CNTNAP2: variants seen among roughly 807,000 people sequenced by gnomAD.
The protein encoded by CNTNAP2 is contactin-associated protein-like 2.
CNTNAP2 carries 98 observed loss-of-function variants against 155.2 expected under a neutral mutation model. That is an observed-to-expected ratio of 0.63 (90% CI 0.54 to 0.75). The LOEUF (loss-of-function observed/expected upper bound fraction) is 0.75. CNTNAP2 is among the 30% of genes least tolerant of loss of function. CNTNAP2 has a pLI of 0.00. For synonymous variants in CNTNAP2, 651 were observed against 631.2 expected (o/e 1.03, Z -0.47); for missense variants, 1,727 against 1,688.1 (o/e 1.02, Z -0.40).
At chr7:146,329,238 G>A (rs1449116048) in intron 1 of CNTNAP2, among the ~76,000 whole-genome samples, 1 of 152,116 alleles carries the variant, frequency 6.6e-6, no homozygotes, top group Non-Finnish European at 1.5e-5. Context: ...TTTCCCTGAT[G>A]ATTAATAACA....
chr7:146,872,337 A>G (rs1470653168), intron 3 of CNTNAP2, among the ~76,000 whole-genome samples: 2 of 152,160 alleles, frequency 1.3e-5, no homozygotes, highest in Admixed American at 1.3e-4. Context: ...GTTGAAAAAG[A>G]AAGTTGGAAA....
chr7:146,813,721 G>A (rs1343224394), intron 2 of CNTNAP2, among the ~76,000 whole-genome samples: 1 of 152,088 alleles, frequency 6.6e-6, no homozygotes, highest in African/African-American at 2.4e-5. Flanking sequence ...AGATTTTGGA[G>A]GGGTAAGGAG....
chr7:146,983,441 CCAAA>C (rs1375916751), intron 3 of CNTNAP2, among the ~76,000 whole-genome samples: 1 of 151,984 alleles, frequency 6.6e-6, no homozygotes, highest in African/African-American at 2.4e-5. Flanking sequence ...CAGAACAAAA[CCAAA>C]CAAAAGGCAA....
chr7:147,112,026 T>G (rs898885922), intron 5 of CNTNAP2, among the ~76,000 whole-genome samples: 1 of 152,182 alleles, frequency 6.6e-6, no homozygotes, highest in Non-Finnish European at 1.5e-5. Context: ...GTTTTTCCAT[T>G]TATTTGTGTC....
chr7:148,269,979 A>G (rs1796745584), intron 21 of CNTNAP2, among the ~76,000 whole-genome samples: 1 of 152,226 alleles, frequency 6.6e-6, no homozygotes, highest in African/African-American at 2.4e-5. Flanking sequence ...CTATAAACAT[A>G]CCCGAAAATA....
intron 16 of CNTNAP2, among the ~76,000 whole-genome samples, chr7:148,129,698 G>A (rs1255350011): frequency 6.6e-6 from 1 of 152,196 alleles, no homozygotes; most frequent in South Asian, 2.1e-4. Context: ...ACCAGTCCTT[G>A]AACCTCTCCA....
chr7:146,983,828 CAT>C (rs1292283161), intron 3 of CNTNAP2, among the ~76,000 whole-genome samples: 1 of 152,170 alleles, frequency 6.6e-6, no homozygotes, highest in Non-Finnish European at 1.5e-5. Flanking sequence ...TTGCAATTGA[CAT>C]AGTGCAGGAA....
chr7:146,210,157 T>C (rs2116881713), intron 1 of CNTNAP2, among the ~76,000 whole-genome samples: 1 of 152,294 alleles, frequency 6.6e-6, no homozygotes, highest in Middle Eastern at 3.4e-3. Flanking sequence ...ATATATGCAC[T>C]CTGGAGTTAC....
intron 13 of CNTNAP2, among the ~76,000 whole-genome samples, chr7:147,775,349 T>A (rs1183723473): frequency 0.012 from 447 of 36,468 alleles, 34 homozygotes; most frequent in African/African-American, 0.087. Context: ...ATATATATAT[T>A]TATATATATT....
chr7:146,308,466 T>C (rs1008210841), intron 1 of CNTNAP2, among the ~76,000 whole-genome samples: 3 of 152,124 alleles, frequency 2.0e-5, no homozygotes, highest in African/African-American at 7.2e-5. Context: ...GACCCAGCCA[T>C]CCCATTACTG....
intron 21 of CNTNAP2, among the ~76,000 whole-genome samples, chr7:148,373,872 A>T (rs1337548022): frequency 6.6e-6 from 1 of 152,206 alleles, no homozygotes; most frequent in Non-Finnish European, 1.5e-5. Flanking sequence ...CCTTGGTGGC[A>T]TCCAGGGTGG....
chr7:147,705,280 A>G (rs1362886956), intron 13 of CNTNAP2, among the ~76,000 whole-genome samples: 1 of 151,892 alleles, frequency 6.6e-6, no homozygotes, highest in East Asian at 1.9e-4. Flanking sequence ...ATATTTCTTG[A>G]TTTCTTCCTT....
chr7:147,776,068 T>C (rs369614587), intron 13 of CNTNAP2, among the ~76,000 whole-genome samples: 2 of 152,228 alleles, frequency 1.3e-5, no homozygotes, highest in Admixed American at 6.5e-5. Context: ...CTAGTAAAAG[T>C]AATAAAATGT....
chr7:147,903,916 G>T (rs960527677), intron 14 of CNTNAP2, among the ~76,000 whole-genome samples, 195 bp downstream of exon 14: 1 of 152,272 alleles, frequency 6.6e-6, no homozygotes. Flanking sequence ...GTGCGACAAG[G>T]GTATGCATTT....
intron 1 of CNTNAP2, among the ~76,000 whole-genome samples, chr7:146,561,723 G>A (rs1195746867): frequency 1.3e-5 from 2 of 152,144 alleles, no homozygotes; most frequent in Non-Finnish European, 2.9e-5. Flanking sequence ...AATGATACTA[G>A]TGGTGAAAAT....
At chr7:148,051,384 A>G (rs1250001979) in intron 15 of CNTNAP2, among the ~76,000 whole-genome samples, 2 of 151,916 alleles carry the variant, frequency 1.3e-5, no homozygotes, top group Non-Finnish European at 2.9e-5. Context: ...TCCGGAAGTT[A>G]TGCAATATGT....
At chr7:146,633,848 A>C (rs1174470793) in intron 1 of CNTNAP2, among the ~76,000 whole-genome samples, 3 of 151,094 alleles carry the variant, frequency 2.0e-5, no homozygotes, top group African/African-American at 7.3e-5. Context: ...AAAAAAAAAA[A>C]AAAAAAAACA....
intron 1 of CNTNAP2, among the ~76,000 whole-genome samples, chr7:146,488,991 C>CA (rs1201346850): frequency 6.6e-6 from 1 of 152,154 alleles, no homozygotes; most frequent in African/African-American, 2.4e-5. Context: ...GACATGGAAA[C>CA]AGAGATTTCA....
rs543134920 is a variant in CNTNAP2 at position 146,335,852 on chromosome 7, A to T, written c.97+218879A>T. Among the ~76,000 whole-genome samples the T allele has an allele frequency of 3.4e-4, 52 of 152,166 alleles. 2 individuals are homozygous for T. The highest frequency in any genetic ancestry group is 2.8e-3 in the Admixed American group (43 of 15,264). On this transcript the variant is annotated intron_variant, in intron 1 of 23. Coordinates refer to ENST00000361727, the MANE Select transcript of CNTNAP2 (RefSeq NM_014141.6). The stretch of plus-strand genomic sequence containing the variant: ...TATTTAGGGGTCGGGGAAGAGGGAG[A>T]CTCTATTCCTTAAAACAAGGAACAC...
Sources: allele counts gnomAD v4.1 joint callset (sites outside exome capture counted in the v4.1 genomes callset), GRCh38; gene constraint gnomAD v4.1.1; transcripts MANE v1.5; gene names NCBI Gene and HGNC (gene_info 2026-07-23, HGNC 2026-07-21).